PTPN14: variants seen among roughly 807,000 people sequenced by gnomAD.
PTPN14 encodes the protein tyrosine-protein phosphatase non-receptor type 14.
PTPN14 carries 53 observed loss-of-function variants against 126.8 expected under a neutral mutation model. The observed-to-expected ratio is 0.42, with a 90% confidence interval of 0.34 to 0.53. The LOEUF is 0.53. Ranked by LOEUF, PTPN14 falls within the 20% of genes least tolerant of loss-of-function variation. The pLI is 0.08. For missense variants in PTPN14, 1,257 were observed against 1,552.9 expected, an observed-to-expected ratio of 0.81 and a Z score of 3.20; for synonymous variants, 630 against 599.3, an observed-to-expected ratio of 1.05 and a Z score of -0.75.
At chr1:214,440,946 T>C (rs114190472) in intron 3 of PTPN14, among the ~76,000 whole-genome samples, 2,084 of 152,282 alleles carry the variant, frequency 0.014, 24 homozygotes, top group Non-Finnish European at 0.02. Context: ...TCAGCCCTCA[T>C]AGTACTAGTT....
chr1:214,415,798 C>T (rs1659414065), intron 3 of PTPN14, among the ~76,000 whole-genome samples: 1 of 152,146 alleles, frequency 6.6e-6, no homozygotes, highest in African/African-American at 2.4e-5. Flanking sequence ...GTGTACTAAA[C>T]AGGATAAAGA....
intron 1 of PTPN14, among the ~76,000 whole-genome samples, chr1:214,533,986 G>A (rs1655631351): frequency 1.3e-5 from 2 of 152,100 alleles, no homozygotes; most frequent in African/African-American, 4.8e-5. Flanking sequence ...AAAATTATAA[G>A]TGGCTCTTGT....
chr1:214,362,155 T>C (rs1164520858), intron 18 of PTPN14, among the ~76,000 whole-genome samples: 1 of 152,162 alleles, frequency 6.6e-6, no homozygotes, highest in Non-Finnish European at 1.5e-5. Context: ...ACTCTTCTCC[T>C]GAAATAGGGG....
intron 1 of PTPN14, chr1:214,529,872 T>C (rs1655495749): frequency 1.3e-5 from 2 of 152,014 alleles, no homozygotes; most frequent in Admixed American, 1.3e-4. Context: ...CGAAAGAGTG[T>C]GTCTCAAAAA....
At chr1:214,465,683 G>A (rs1312413223) in intron 1 of PTPN14, among the ~76,000 whole-genome samples, 2 of 151,928 alleles carry the variant, frequency 1.3e-5, no homozygotes, top group Non-Finnish European at 2.9e-5. Context: ...CTGGTGTTTT[G>A]TTTTTTAAAT....
At position 214,350,361 on chromosome 1, in the gene PTPN14, C is replaced by T. The variant is rs1048217843; in HGVS notation, c.*7561G>A. The T allele has an allele frequency of 6.6e-6, 1 of 152,160 alleles. No homozygotes were observed. Among genetic ancestry groups the T allele is most frequent in the Non-Finnish European group, 1.5e-5 (1 of 68,032 alleles). The allele number at this position is 152,160 out of a possible 1,614,324, so 9.4% of individuals were successfully genotyped here. A position where few individuals can be genotyped will look rare whatever the true frequency, so the allele number is the denominator to read the frequency against. On this transcript the variant is annotated 3_prime_UTR_variant, in exon 19 of 19. Transcript: ENST00000366956. ...GCCTCTCTCAATCTATATAAGTTCA[C>T]CTCGAAATACATATTAAGTACTGCT...
chr1:214,433,949 CA>C (rs1374713309), intron 3 of PTPN14, among the ~76,000 whole-genome samples: 2 of 68,608 alleles, frequency 2.9e-5, no homozygotes, highest in Admixed American at 1.4e-4. Context: ...CACACACACA[CA>C]CAAAAAAAAA....
In PTPN14 at chr1:214,451,942, C is replaced by T. The variant is rs1660281036; in HGVS notation, c.207G>A (p.Lys69=). ...THYFGLWFLS[K]SQQARWVELE... The stretch of plus-strand genomic sequence containing the variant: ...GCTCCACCCATCGTGCTTGCTGGCT[C>T]TTGCTGAGAAACCAAAGGCCAAAGT... Residue 69 remains lysine, a synonymous_variant, in exon 3 of 19, where the codon AAG becomes AAA. Transcript: ENST00000366956. 6.2e-7 allele frequency: 1 copy of T among 1,614,110 alleles called. No homozygotes were observed. The highest frequency in any genetic ancestry group is 8.5e-7 in the Non-Finnish European group (1 of 1,180,014).
chr1:214,401,769 T>G lies in PTPN14; in HGVS notation c.585A>C (p.Gly195=), dbSNP rs942865409. The change falls in exon 7 of 19, where the codon GGA becomes GGC. Residue 195 remains glycine (G), a synonymous_variant. Coordinates refer to ENST00000366956, the MANE Select transcript of PTPN14 (RefSeq NM_005401.5). ...KVAQEHKAHS[G]ILPAEAELMY... ...TCAGTTCAGCTTCTGCTGGCAGGAT[T>G]CCACTAAAATCAAAATAGCATCAAA... 5.1e-6 allele frequency: 8 copies of G among 1,573,688 alleles called. No homozygotes were observed. Among genetic ancestry groups the G allele is most frequent in the African/African-American group, 1.4e-5 (1 of 73,824 alleles).
chr1:214,391,113 G>A, intron 10 of PTPN14, 68 bp from the exon 11 acceptor site: 1 of 1,202,458 alleles, frequency 8.3e-7, no homozygotes, highest in Non-Finnish European at 1.2e-6. Flanking sequence ...ATAGACAAGG[G>A]AAGGAGAGGA....
At chr1:214,486,867 C>A (rs1661124650) in intron 1 of PTPN14, among the ~76,000 whole-genome samples, 3 of 151,946 alleles carry the variant, frequency 2.0e-5, no homozygotes, top group Non-Finnish European at 4.4e-5. Flanking sequence ...GTTTACATGG[C>A]ATATCCCATG....
At chr1:214,427,474 C>T (rs1030591480) in intron 3 of PTPN14, among the ~76,000 whole-genome samples, 1 of 152,040 alleles carries the variant, frequency 6.6e-6, no homozygotes, top group African/African-American at 2.4e-5. Context: ...ACTTAGTTTA[C>T]TGGTAAAATA....
At chr1:214,487,444 G>A (rs755038767) in intron 1 of PTPN14, among the ~76,000 whole-genome samples, 5 of 152,108 alleles carry the variant, frequency 3.3e-5, no homozygotes, top group Admixed American at 6.6e-5. Flanking sequence ...TGGCCAACAC[G>A]GTGAAACCCC....
At chr1:214,445,396 T>C (rs4553156) in intron 3 of PTPN14, among the ~76,000 whole-genome samples, 8,976 of 152,202 alleles carry the variant, frequency 0.059, 316 homozygotes, top group South Asian at 0.15. Flanking sequence ...TCACCATTAA[T>C]AGGGTGGACA....
chr1:214,513,873 T>A (rs1257497417), intron 1 of PTPN14, among the ~76,000 whole-genome samples: 1 of 152,210 alleles, frequency 6.6e-6, no homozygotes, highest in Non-Finnish European at 1.5e-5. Context: ...CTCATTAAAT[T>A]CCTGATATTT....
intron 1 of PTPN14, among the ~76,000 whole-genome samples, chr1:214,537,496 C>A (rs543183039): frequency 2.6e-5 from 4 of 152,288 alleles, no homozygotes; most frequent in East Asian, 3.9e-4. Flanking sequence ...CCTTTCTAAG[C>A]CCGAGTTGTC....
chr1:214,439,588 T>C (rs575477834), intron 3 of PTPN14, among the ~76,000 whole-genome samples: 2 of 152,176 alleles, frequency 1.3e-5, no homozygotes, highest in Admixed American at 6.5e-5. Context: ...AAGCACAAGA[T>C]TGACGAGCTG....
At chr1:214,372,666 C>T (rs755396321) in intron 16 of PTPN14, 45 bp downstream of exon 16, 1 of 1,612,938 alleles carries the variant, frequency 6.2e-7, no homozygotes, top group South Asian at 1.1e-5. Flanking sequence ...TCTGGCCACC[C>T]TTTCCCCTGG....
At chr1:214,373,190 G>A (rs1658260104) in intron 15 of PTPN14, among the ~76,000 whole-genome samples, 1 of 152,134 alleles carries the variant, frequency 6.6e-6, no homozygotes, top group Non-Finnish European at 1.5e-5. Context: ...AAGGAGCTGG[G>A]ATTACAGGCA....
Sources: gnomAD v4.1 joint callset for allele counts (sites outside exome capture counted in the v4.1 genomes callset) on GRCh38, gnomAD v4.1.1 for gene constraint, MANE v1.5 for transcripts, NCBI Gene and HGNC (gene_info 2026-07-23, HGNC 2026-07-21) for gene names.